Variants in LRRD1 observed in about 807,000 individuals in gnomAD.
LRRD1 encodes the protein leucine rich repeats and death domain containing 1.
In LRRD1, 49 loss-of-function variants were observed where a neutral mutation model predicts 69.5. The ratio of observed to expected loss-of-function variants is 0.70; its 90% CI spans 0.56 to 0.89. LRRD1 has a LOEUF of 0.89. Ranked by LOEUF, LRRD1 falls within the 40% of genes least tolerant of loss-of-function variation. The probability of loss-of-function intolerance (pLI) is 0.00; values close to 1 mark genes in which losing one functional copy is unlikely to be tolerated. For synonymous variants in LRRD1, 303 were observed against 338.9 expected, an observed-to-expected ratio of 0.89 and a Z score of 1.16; for missense variants, 853 against 956.0, an observed-to-expected ratio of 0.89 and a Z score of 1.42.
At chr7:92,150,168 T>C (rs909815870) in intron 4 of LRRD1, among the ~76,000 whole-genome samples, 2 of 152,204 alleles carry the variant, frequency 1.3e-5, no homozygotes, top group Non-Finnish European at 2.9e-5. Context: ...TTAATTCATA[T>C]CAGATAGTGT....
At chr7:92,165,587 G>A (rs1185283713) in intron 1 of LRRD1, among the ~76,000 whole-genome samples, 2 of 152,038 alleles carry the variant, frequency 1.3e-5, no homozygotes, top group Non-Finnish European at 2.9e-5. Flanking sequence ...GGGGCCGGGT[G>A]CGGTGGCTCA....
intron 1 of LRRD1, among the ~76,000 whole-genome samples, chr7:92,170,645 C>A (rs951222264): frequency 6.6e-6 from 1 of 152,110 alleles, no homozygotes; most frequent in African/African-American, 2.4e-5. Context: ...ATCATCCAGT[C>A]AAAAAATCAA....
chr7:92,145,149 T>C, intron 5 of LRRD1, 75 bp from the exon 6 acceptor site: 1 of 798,576 alleles, frequency 1.3e-6, no homozygotes, highest in Non-Finnish European at 1.7e-6. Flanking sequence ...CTGATAATTA[T>C]CTGAATTGTC....
rs1788857404 is a variant in LRRD1 at position 92,164,403 on chromosome 7, T to C, written c.800A>G (p.Asn267Ser). The change falls in exon 2 of 6, where the codon AAT (asparagine) becomes AGT (serine). Residue 267 changes from asparagine to serine, a missense_variant. Transcript: ENST00000458448. ...AGTATCTGGTATATGTCTTAACTTA[T>C]TTTTACCCAAACTTAAAATTTCCAA... ...GNLEILSLGK[N>S]KLRHIPDTLP... 1.3e-6 allele frequency: 2 copies of C among 1,548,310 alleles called. No homozygotes were observed. The highest frequency in any genetic ancestry group is 1.7e-6 in the Non-Finnish European group (2 of 1,146,032).
In LRRD1 at chr7:92,165,007, C is replaced by T; in HGVS notation, c.196G>A (p.Glu66Lys). The T allele has an allele frequency of 6.4e-7, 1 of 1,551,308 alleles. No individual in the cohort carries two copies. The highest frequency in any genetic ancestry group is 8.7e-7 in the Non-Finnish European group (1 of 1,146,870). Residue 66 changes from glutamate (E) to lysine (K), a missense_variant, in exon 2 of 6, where the codon GAG becomes AAG. Coordinates refer to ENST00000458448, the MANE Select transcript of LRRD1 (RefSeq NM_001161528.2). ...YETHPRQNTL[E>K]STSSSGRKSK... is the part of the protein sequence containing the mutation. ...TTCCTTCCAGAGGAAGATGTTGACT[C>T]TAATGTATTCTGTCTAGGATGTGTT... is the stretch of plus-strand genomic sequence containing the variant.
downstream of LRRD1, among the ~76,000 whole-genome samples, chr7:92,144,114 C>T (rs1820250808): frequency 6.6e-6 from 1 of 152,166 alleles, no homozygotes; most frequent in Non-Finnish European, 1.5e-5. Context: ...TGTCTGGACA[C>T]TCAACTGAAG....
At chr7:92,142,935 A>C (rs1305134407), downstream of LRRD1, 2 of 299,268 alleles carry the variant, frequency 6.7e-6, no homozygotes, top group African/African-American at 4.4e-5. Flanking sequence ...GCAGTGTGGA[A>C]GGGGACCGGA....
chr7:92,174,501 A>ATG (rs1329555146), intron 1 of LRRD1, among the ~76,000 whole-genome samples: 857 of 20,020 alleles, frequency 0.043, 65 homozygotes, highest in East Asian at 0.16. Context: ...ATATATATAT[A>ATG]TATATATATT....
rs1157299807 is a variant in LRRD1 at position 92,163,379 on chromosome 7, G to A, written c.1824C>T (p.Asn608=). 3.2e-6 allele frequency: 5 copies of A among 1,546,560 alleles called. No individual in the cohort carries two copies. In the Admixed American group the frequency reaches 8.1e-5, roughly 25 times the overall value. Residue 608 remains asparagine (N), a synonymous_variant, in exon 2 of 6, where the codon AAC becomes AAT. Coordinates refer to ENST00000458448, the MANE Select transcript of LRRD1 (RefSeq NM_001161528.2). ...AATGTATAAATTGATTGCTTGAGAAGTTTAATTTCTGGATTCCTTTTAAAT... is the reference window on the plus strand; with the variant it reads ...AATGTATAAATTGATTGCTTGAGAAATTTAATTTCTGGATTCCTTTTAAAT... The part of the protein sequence containing the change: ...ICNLKGIQKL[N]FSSNQFIHFP...
At chr7:92,143,739 T>C (rs1820237699), downstream of LRRD1, among the ~76,000 whole-genome samples, 1 of 152,124 alleles carries the variant, frequency 6.6e-6, no homozygotes, top group Non-Finnish European at 1.5e-5. Context: ...AGGGAGCCGG[T>C]TCCGGCCTTG....
Position 92,160,651 on chromosome 7 carries a change from G to A in LRRD1, c.1918-1448C>T, listed in dbSNP as rs369596465. The stretch of plus-strand genomic sequence containing the variant: ...AACATGGTGAAACCCCGTCTCTACT[G>A]AAAACACAAAAATTAGCTGGACGTG... On this transcript the variant is annotated intron_variant, in intron 2 of 5. Coordinates refer to ENST00000458448, the MANE Select transcript of LRRD1 (RefSeq NM_001161528.2). Among the ~76,000 whole-genome samples, 291 of 152,064 alleles carry A rather than the reference G, an allele frequency of 1.9e-3. 3 individuals are homozygous for A. Among genetic ancestry groups the A allele is most frequent in the African/African-American group, 6.5e-3 (268 of 41,510 alleles).
At position 92,164,388 on chromosome 7, in the gene LRRD1, A is replaced by G. The variant is rs754491327; in HGVS notation, c.815T>C (p.Ile272Thr). The G allele has an allele frequency of 3.2e-6, 5 of 1,549,132 alleles. No individual in the cohort carries two copies. The highest frequency in any genetic ancestry group is 4.4e-6 in the Non-Finnish European group (5 of 1,146,216). Residue 272 changes from isoleucine to threonine, a missense_variant, in exon 2 of 6, where the codon ATA becomes ACA. Physicochemically the swap from Ile to Thr is moderately conservative, Grantham distance 89. Around this residue, in one of 3 missense-constraint regions of LRRD1, gnomAD observed 739 missense variants for 808.0 expected, o/e 0.91. Coordinates refer to ENST00000458448, the MANE Select transcript of LRRD1 (RefSeq NM_001161528.2). The stretch of plus-strand genomic sequence containing the variant: ...TTTTAAACTAGGCAGAGTATCTGGT[A>G]TATGTCTTAACTTATTTTTACCCAA... ...LSLGKNKLRH[I>T]PDTLPSLKTL...
intron 1 of LRRD1, among the ~76,000 whole-genome samples, chr7:92,171,555 T>C (rs1021455546): frequency 6.6e-6 from 1 of 152,044 alleles, no homozygotes; most frequent in African/African-American, 2.4e-5. Flanking sequence ...CCAAGAAAAG[T>C]CCAGGCCTAG....
intron 1 of LRRD1, among the ~76,000 whole-genome samples, chr7:92,176,874 T>A (rs1357094142): frequency 2.0e-5 from 3 of 151,518 alleles, no homozygotes; most frequent in African/African-American, 4.8e-5. Flanking sequence ...CATTAATAGA[T>A]TATTAAGCAT....
intron 1 of LRRD1, among the ~76,000 whole-genome samples, chr7:92,177,322 G>A (rs1318763779): frequency 4.6e-5 from 7 of 151,908 alleles, no homozygotes; most frequent in African/African-American, 1.7e-4. Flanking sequence ...GCTATTTGTT[G>A]AAGCATTTTA....
Position 92,164,036 on chromosome 7 carries a change from C to A in LRRD1, c.1167G>T (p.Glu389Asp). The A allele has an allele frequency of 1.3e-6, 2 of 1,539,638 alleles. No individual in the cohort carries two copies. Among genetic ancestry groups the A allele is most frequent in the Non-Finnish European group, 1.8e-6 (2 of 1,142,834 alleles). The change falls in exon 2 of 6, where the codon GAG becomes GAT. Residue 389 changes from glutamate to aspartate, a missense_variant. Coordinates refer to ENST00000458448, the MANE Select transcript of LRRD1 (RefSeq NM_001161528.2). ...LDKNLLKNIP[E>D]KISCCAMLEC... Reference sequence around the variant, plus strand: ...CCAACATTGCACAGCAAGATATTTTCTCTGGTATATTTTTCAATAAATTTT... The same window carrying A: ...CCAACATTGCACAGCAAGATATTTTATCTGGTATATTTTTCAATAAATTTT...
chr7:92,168,349 T>G (rs1324501521), intron 1 of LRRD1, among the ~76,000 whole-genome samples: 1 of 152,272 alleles, frequency 6.6e-6, no homozygotes, highest in East Asian at 1.9e-4. Flanking sequence ...GGAGTGCCTA[T>G]AGGAAGAAAT....
At chr7:92,142,891 G>T (rs1438163346), downstream of LRRD1, 1 of 346,974 alleles carries the variant, frequency 2.9e-6, no homozygotes, top group Non-Finnish European at 5.7e-6. Flanking sequence ...GCAGCAGCAA[G>T]ATTTATTGCA....
chr7:92,164,212 G>A lies in LRRD1; in HGVS notation c.991C>T (p.Leu331Phe), dbSNP rs1204927652. ...GTAAGCTTATTGTGATCCATTAAAA[G>A]TGTTTCTAAATTTTTAAGCTCTCTA... ...EIRELKNLET[L>F]LMDHNKLTFL... Residue 331 changes from leucine (L) to phenylalanine (F), a missense_variant, in exon 2 of 6, where the codon CTT becomes TTT. By Grantham distance (22) the Leu-to-Phe change is conservative. Coordinates refer to ENST00000458448, the MANE Select transcript of LRRD1 (RefSeq NM_001161528.2). The A allele has an allele frequency of 2.6e-6, 4 of 1,549,328 alleles. No individual in the cohort carries two copies. The highest frequency in any genetic ancestry group is 1.7e-4 in the Middle Eastern group (1 of 5,990).
Sources: allele counts gnomAD v4.1 joint callset (sites outside exome capture counted in the v4.1 genomes callset), GRCh38; gene constraint gnomAD v4.1.1; regional missense constraint gnomAD v4.1.1; transcripts MANE v1.5; gene names NCBI Gene and HGNC (gene_info 2026-07-23, HGNC 2026-07-21).